Variants in ANKRD6 observed in about 807,000 individuals in gnomAD.
The protein encoded by ANKRD6 is ankyrin repeat domain 6, also known as ankyrin repeat domain-containing protein 6.
In ANKRD6, 56 loss-of-function variants were observed where a neutral mutation model predicts 82.3. The observed-to-expected ratio is 0.68, with a 90% CI of 0.55 to 0.85. The LOEUF is 0.85. ANKRD6 is among the 40% of genes least tolerant of loss of function. The pLI is 0.00. For missense variants in ANKRD6, 852 were observed against 907.6 expected, an observed-to-expected ratio of 0.94 and a Z score of 0.79; for synonymous variants, 347 against 352.1, an observed-to-expected ratio of 0.99 and a Z score of 0.16.
chr6:89,625,394 T>G (rs1805289844), intron 13 of ANKRD6, among the ~76,000 whole-genome samples: 1 of 152,240 alleles, frequency 6.6e-6, no homozygotes, highest in African/African-American at 2.4e-5. Flanking sequence ...TTAGAATAAT[T>G]ATGTATTTTT....
At chr6:89,516,425 A>G (rs1414017859) in intron 1 of ANKRD6, among the ~76,000 whole-genome samples, 2 of 152,272 alleles carry the variant, frequency 1.3e-5, no homozygotes, top group East Asian at 3.9e-4. Flanking sequence ...CTGGGTTTCC[A>G]GCTTACAGGG....
chr6:89,601,314 C>T (rs907916751), intron 3 of ANKRD6, among the ~76,000 whole-genome samples: 1 of 152,078 alleles, frequency 6.6e-6, no homozygotes, highest in Non-Finnish European at 1.5e-5. Context: ...TCGGTGGTGG[C>T]AGTGCTGAGG....
chr6:89,478,993 T>C (rs991877413), intron 1 of ANKRD6, among the ~76,000 whole-genome samples: 20 of 152,148 alleles, frequency 1.3e-4, no homozygotes, highest in Non-Finnish European at 2.9e-5. Flanking sequence ...GTCTCTGTTG[T>C]TTAAGCCACC....
intron 8 of ANKRD6, among the ~76,000 whole-genome samples, chr6:89,617,488 C>G (rs970098535): frequency 5.3e-5 from 8 of 152,238 alleles, no homozygotes; most frequent in Admixed American, 3.3e-4. Context: ...CTGAATCTCT[C>G]TGGCCAGCCC....
chr6:89,559,934 C>T (rs182327286), intron 1 of ANKRD6, among the ~76,000 whole-genome samples: 394 of 152,286 alleles, frequency 2.6e-3, no homozygotes, highest in Non-Finnish European at 3.6e-3. Flanking sequence ...CTTACGGGAT[C>T]ACAGGCTCCT....
chr6:89,621,661 T>C, intron 9 of ANKRD6: 1 of 452,882 alleles, frequency 2.2e-6, no homozygotes, highest in Non-Finnish European at 4.1e-6. Context: ...CCAGCATCAG[T>C]GTCTGTAGTT....
At chr6:89,555,094 CT>C (rs1444195856) in intron 1 of ANKRD6, among the ~76,000 whole-genome samples, 7 of 121,906 alleles carry the variant, frequency 5.7e-5, no homozygotes, top group Admixed American at 1.7e-4. Context: ...TCCCTCCCCC[CT>C]CTCTCCCCCC....
chr6:89,540,671 C>T (rs1784349082), intron 1 of ANKRD6, among the ~76,000 whole-genome samples: 1 of 152,128 alleles, frequency 6.6e-6, no homozygotes, highest in Non-Finnish European at 1.5e-5. Flanking sequence ...GTTGCTTGTG[C>T]TTGCGGGGTA....
chr6:89,484,075 T>C (rs1029814304), intron 1 of ANKRD6, among the ~76,000 whole-genome samples: 7 of 152,148 alleles, frequency 4.6e-5, no homozygotes, highest in African/African-American at 1.7e-4. Context: ...GCCCTGCTAA[T>C]TTTTGTATTT....
At chr6:89,582,835 T>C (rs973219493) in intron 2 of ANKRD6, among the ~76,000 whole-genome samples, 1 of 152,162 alleles carries the variant, frequency 6.6e-6, no homozygotes, top group Non-Finnish European at 1.5e-5. Context: ...AGCACTTACC[T>C]CAAGGATATG....
Position 89,632,624 on chromosome 6 carries a change from G to A in ANKRD6, c.*1620G>A, listed in dbSNP as rs1018249404. 6.6e-6 allele frequency: 1 copy of A among 152,138 alleles called. No homozygotes were observed. The highest frequency in any genetic ancestry group is 6.5e-5 in the Admixed American group (1 of 15,272). 9.4% of individuals were successfully genotyped at this position (152,138 alleles called of 1,614,324 possible). Reference sequence around the variant, plus strand: ...AAGGTCTCATGATATTGCCCAGGCTGAATTTGATGTTATTTCAAGTTGATT... The same window carrying A: ...AAGGTCTCATGATATTGCCCAGGCTAAATTTGATGTTATTTCAAGTTGATT... On this transcript the variant is annotated 3_prime_UTR_variant, in exon 16 of 16. Coordinates refer to ENST00000339746, the MANE Select transcript of ANKRD6 (RefSeq NM_001242809.2).
At chr6:89,603,240 G>C (rs1797658501) in intron 4 of ANKRD6, 113 bp downstream of exon 4, 2 of 774,244 alleles carry the variant, frequency 2.6e-6, no homozygotes, top group Non-Finnish European at 4.1e-6. Context: ...TATAATTCCT[G>C]TCTTACCACT....
chr6:89,462,233 A>AAATAAT (rs200608840), intron 1 of ANKRD6, among the ~76,000 whole-genome samples: 10,806 of 105,710 alleles, frequency 0.1, 774 homozygotes, highest in African/African-American at 0.24. Context: ...CTCCATCTCA[A>AAATAAT]AATAATAATA....
At chr6:89,495,491 G>C (rs940039759) in intron 1 of ANKRD6, among the ~76,000 whole-genome samples, 1 of 152,162 alleles carries the variant, frequency 6.6e-6, no homozygotes, top group Non-Finnish European at 1.5e-5. Flanking sequence ...TTTGCACGTA[G>C]ATGTCGGCTT....
chr6:89,607,409 G>A (rs369950181), intron 5 of ANKRD6, among the ~76,000 whole-genome samples: 453 of 152,128 alleles, frequency 3.0e-3, no homozygotes, highest in Non-Finnish European at 4.8e-3. Context: ...TATTAAAATC[G>A]TAGTTTTGAA....
rs1196533957 is a variant in ANKRD6, at chr6:89,487,695, CACCTACGCTTGGTTTTTCACCTGT to C, written c.-144+54321_-144+54344del. On this transcript the variant is annotated intron_variant, in intron 1 of 15. Coordinates refer to ENST00000339746, the MANE Select transcript of ANKRD6 (RefSeq NM_001242809.2). Reference sequence around the variant, plus strand: ...ATCAAATGAAAAGAATAAGGTGGCTCACCTACGCTTGGTTTTTCACCTGTGCTTCACCTTCTCTCATTGATCAAG... The same window carrying C: ...ATCAAATGAAAAGAATAAGGTGGCTCGCTTCACCTTCTCTCATTGATCAAG... Among the ~76,000 whole-genome samples the C allele has an allele frequency of 3.3e-5, 5 of 152,192 alleles. No individual in the cohort carries two copies. The South Asian group carries it at 8.3e-4, about 25-fold the overall frequency.
intron 1 of ANKRD6, among the ~76,000 whole-genome samples, chr6:89,500,642 G>A (rs772591106): frequency 2.6e-5 from 4 of 152,100 alleles, no homozygotes; most frequent in Admixed American, 6.5e-5. Flanking sequence ...AGAGCCTAAC[G>A]CCCTCCTCCC....
intron 1 of ANKRD6, among the ~76,000 whole-genome samples, chr6:89,537,578 T>C (rs1783982358): frequency 1.3e-5 from 2 of 151,678 alleles, no homozygotes. Flanking sequence ...ATCTGAATTA[T>C]TATATAATTA....
chr6:89,565,842 A>G (rs1307390842), intron 1 of ANKRD6, among the ~76,000 whole-genome samples: 1 of 152,234 alleles, frequency 6.6e-6, no homozygotes, highest in Non-Finnish European at 1.5e-5. Flanking sequence ...ATCTTTTAAA[A>G]TGCAAAGAAG....
Sources: allele counts gnomAD v4.1 joint callset (sites outside exome capture counted in the v4.1 genomes callset), GRCh38; gene constraint gnomAD v4.1.1; transcripts MANE v1.5; gene names NCBI Gene and HGNC (gene_info 2026-07-23, HGNC 2026-07-21).